Variants in MFNG observed in about 807,000 individuals in gnomAD.
The protein encoded by MFNG is beta-1,3-N-acetylglucosaminyltransferase manic fringe.
Under a neutral mutation model 34.2 loss-of-function variants are expected in MFNG, and 24 were observed. The ratio of observed to expected loss-of-function variants is 0.70; its 90% CI spans 0.51 to 0.99. The LOEUF is 0.99. Among genes scored for constraint, MFNG ranks in the 50% least tolerant of loss-of-function variants. MFNG has a pLI of 0.00. For missense variants in MFNG, 383 were observed against 424.0 expected (o/e 0.90, Z 0.85); for synonymous variants, 158 against 179.2 (o/e 0.88, Z 0.94).
In MFNG at chr22:37,479,392, G is replaced by C; in HGVS notation, c.514C>G (p.Leu172Val). The C allele has an allele frequency of 1.9e-6, 3 of 1,608,792 alleles. No individual in the cohort carries two copies. In the South Asian group the frequency reaches 3.3e-5, roughly 18 times the overall value. The change falls in exon 4 of 8, where the codon CTG (leucine) becomes GTG (valine). Residue 172 changes from leucine (L) to valine (V), a missense_variant. Transcript: ENST00000356998. ...TCTGAGGCATGGATGGGCCGGTTCA[G>C]GCTGGGCCTTCCCACATAGACGTCG... The part of the protein sequence containing the change: ...ARDVYVGRPS[L>V]NRPIHASEPQ...
chr22:37,479,974 A>C (rs1396032171), intron 3 of MFNG, among the ~76,000 whole-genome samples: 1 of 152,048 alleles, frequency 6.6e-6, no homozygotes, highest in African/African-American at 2.4e-5. Flanking sequence ...TTTGCACTCC[A>C]GCCTGGGCAA....
intron 4 of MFNG, among the ~76,000 whole-genome samples, chr22:37,478,800 TC>T (rs1177074654): frequency 3.9e-5 from 6 of 151,994 alleles, no homozygotes; most frequent in African/African-American, 1.5e-4. Context: ...TCTCTCAGCC[TC>T]CCGAGTAGCT....
Position 37,480,315 on chromosome 22 carries a change from G to A in MFNG, c.305-16C>T. 1 of 1,604,600 alleles carries A rather than the reference G, an allele frequency of 6.2e-7. No individual in the cohort carries two copies. The highest frequency in any genetic ancestry group is 1.7e-4 in the Middle Eastern group (1 of 5,950). On this transcript the variant is annotated splice_polypyrimidine_tract_variant and intron_variant, in intron 2 of 7. Coordinates refer to ENST00000356998, the MANE Select transcript of MFNG (RefSeq NM_002405.4). ...AGGTGGGACCCTGGAGAAGTGAGGA[G>A]GAGTCAGGGGACCCTGCCCAGGTCC...
chr22:37,480,354 CT>C, intron 2 of MFNG, 55 bp from the exon 3 acceptor site: 1 of 1,385,648 alleles, frequency 7.2e-7, no homozygotes, highest in Admixed American at 1.8e-5. Context: ...CTTCAGAGCC[CT>C]GAACACAGAA....
rs572382287 is a variant in MFNG at position 37,474,709 on chromosome 22, C to A, written c.648-32G>T. 2.6e-6 allele frequency: 4 copies of A among 1,551,824 alleles called. No homozygotes were observed. The African/African-American group carries it at 5.5e-5, about 21-fold the overall frequency. ...GACAGAGCCAGACTGCAGACGCTGG[C>A]CCAGGCCCTCCACACCCAGAGCCGT... is the stretch of plus-strand genomic sequence containing the variant. On this transcript the variant is annotated intron_variant, in intron 5 of 7. Transcript: ENST00000356998.
Position 37,486,353 on chromosome 22 carries a change from C to T in MFNG, c.-176G>A, listed in dbSNP as rs1001338338. The stretch of plus-strand genomic sequence containing the variant: ...ACCCAGAGGCTGAGCCATGGCAGCA[C>T]GATCTCGACCGCCGCCAGTCCTCCA... On this transcript the variant is annotated 5_prime_UTR_variant, in exon 1 of 8. In the 5' UTR this introduces an upstream ATG that the reference lacks. Coordinates refer to ENST00000356998, the MANE Select transcript of MFNG (RefSeq NM_002405.4). The T allele has an allele frequency of 1.2e-5, 7 of 578,310 alleles. No homozygotes were observed. The highest frequency in any genetic ancestry group is 1.1e-5 in the Non-Finnish European group (4 of 379,224). 35.8% of individuals were successfully genotyped at this position (578,310 alleles called of 1,614,324 possible). A position where few individuals can be genotyped will look rare whatever the true frequency, so the allele number is the denominator to read the frequency against.
chr22:37,475,602 G>A lies in MFNG; in HGVS notation c.648-925C>T, dbSNP rs114923581. Among the ~76,000 whole-genome samples, 997 of 152,192 alleles carry A rather than the reference G, an allele frequency of 6.6e-3. 15 individuals carry two copies. Among genetic ancestry groups the A allele is most frequent in the African/African-American group, 0.022 (923 of 41,510 alleles). On this transcript the variant is annotated intron_variant, in intron 5 of 7. Transcript: ENST00000356998. ...CCAGGCATGGACTTCAACTGGCCGCGTATACCCCATTAATGCCGCTGCCCT... is the reference window on the plus strand; with the variant it reads ...CCAGGCATGGACTTCAACTGGCCGCATATACCCCATTAATGCCGCTGCCCT...
rs1392599777 is a variant in MFNG, at chr22:37,482,832, T to C, written c.256-2063A>G. On this transcript the variant is annotated intron_variant, in intron 1 of 7. Coordinates refer to ENST00000356998, the MANE Select transcript of MFNG (RefSeq NM_002405.4). The surrounding 1 kb of genome is among the most constrained non-coding windows in gnomAD (Gnocchi z 4.1). ...TCTCCCTGGGGTCTGTCTCCCACCG[T>C]CAGATTTAGCGAATGCTGGAGGTCT... 1.3e-5 allele frequency among the ~76,000 whole-genome samples: 2 copies of C among 152,142 alleles called. No homozygotes were observed. Among genetic ancestry groups the C allele is most frequent in the East Asian group, 3.9e-4 (2 of 5,194 alleles).
chr22:37,484,715 C>T (rs916012223), intron 1 of MFNG: 1 of 152,356 alleles, frequency 6.6e-6, no homozygotes, highest in Non-Finnish European at 1.5e-5. Context: ...TTGGCTGCTT[C>T]CGCAGGAAGA....
At chr22:37,479,132 G>A (rs1339518199) in intron 4 of MFNG, among the ~76,000 whole-genome samples, 1 of 152,216 alleles carries the variant, frequency 6.6e-6, no homozygotes, top group Admixed American at 6.5e-5. Context: ...ACTATGTACT[G>A]TGTCTGTGCC....
intron 3 of MFNG, 90 bp from the exon 4 acceptor site, chr22:37,479,588 A>C: frequency 6.6e-7 from 1 of 1,522,594 alleles, no homozygotes; most frequent in Non-Finnish European, 9.0e-7. Flanking sequence ...ACAGTGACGG[A>C]ATGGGGGTAG....
chr22:37,478,634 T>C (rs181283274), intron 4 of MFNG, among the ~76,000 whole-genome samples: 1 of 150,510 alleles, frequency 6.6e-6, no homozygotes, highest in East Asian at 1.9e-4. Context: ...GTTCTGGGGC[T>C]CAGGTGGCAG....
intron 4 of MFNG, among the ~76,000 whole-genome samples, chr22:37,477,686 G>A (rs1425650223): frequency 6.6e-6 from 1 of 152,122 alleles, no homozygotes; most frequent in South Asian, 2.1e-4. Flanking sequence ...CTGACCTCAG[G>A]TGATTCACCT....
chr22:37,473,675 G>A (rs941311786), intron 6 of MFNG, among the ~76,000 whole-genome samples: 11 of 152,136 alleles, frequency 7.2e-5, no homozygotes, highest in African/African-American at 2.7e-4. Flanking sequence ...ATCAATGAAC[G>A]CCAGCCCGGG....
Position 37,485,572 on chromosome 22 carries a change from G to C in MFNG, c.255+351C>G, listed in dbSNP as rs1397151850. 7.2e-5 allele frequency among the ~76,000 whole-genome samples: 11 copies of C among 152,180 alleles called. No homozygotes were observed. The highest frequency in any genetic ancestry group is 1.2e-4 in the Non-Finnish European group (8 of 68,026). ...CCCAACACCCACCATTACCCCTGAT[G>C]CCAGGCTGGGCCTGGGTGGCTAGGA... On this transcript the variant is annotated intron_variant, in intron 1 of 7. Transcript: ENST00000356998. This position sits in a 1 kb window ranked among gnomAD's most constrained non-coding sequence, Gnocchi z 5.3.
At chr22:37,474,882 G>GGA (rs1921972133) in intron 5 of MFNG, among the ~76,000 whole-genome samples, 1 of 152,252 alleles carries the variant, frequency 6.6e-6, no homozygotes, top group Non-Finnish European at 1.5e-5. Context: ...GCTAATGGCC[G>GGA]TGTCTTCGTG....
chr22:37,470,225 G>A (rs193164936), intron 7 of MFNG, among the ~76,000 whole-genome samples, 196 bp from the exon 8 acceptor site: 111 of 152,280 alleles, frequency 7.3e-4, no homozygotes, highest in African/African-American at 2.6e-3. Flanking sequence ...GCATTCCTGG[G>A]CTCTACCCAC....
Position 37,485,616 on chromosome 22 carries a change from C to T in MFNG, c.255+307G>A, listed in dbSNP as rs1230491073. Among the ~76,000 whole-genome samples the T allele has an allele frequency of 1.3e-5, 2 of 152,152 alleles. No homozygotes were observed. The highest frequency in any genetic ancestry group is 6.5e-5 in the Admixed American group (1 of 15,286). ...GCTAGGAGCGAAGCCCCCACGGGAG[C>T]GGCTAGGAATAGAAGAACCCCCAGG... On this transcript the variant is annotated intron_variant, in intron 1 of 7. Transcript: ENST00000356998. The surrounding 1 kb of genome is among the most constrained non-coding windows in gnomAD (Gnocchi z 5.3).
intron 3 of MFNG, 71 bp from the exon 4 acceptor site, chr22:37,479,569 A>G (rs143509204): frequency 1.3e-6 from 2 of 1,587,172 alleles, no homozygotes; most frequent in Non-Finnish European, 1.7e-6. Flanking sequence ...GCACCCCCAC[A>G]GTCGGTCAAC....
Sources: gnomAD v4.1 joint callset for allele counts (sites outside exome capture counted in the v4.1 genomes callset) on GRCh38, gnomAD v4.1.1 for gene constraint, Gnocchi (gnomAD v3.1) non-coding constraint, MANE v1.5 for transcripts, NCBI Gene and HGNC (gene_info 2026-07-23, HGNC 2026-07-21) for gene names.